CHN2: variants seen among roughly 807,000 people sequenced by gnomAD.
CHN2 encodes the protein chimerin 2.
A neutral mutation model predicts 56.3 loss-of-function variants in CHN2; 35 were observed. That is an observed-to-expected ratio of 0.62 (90% CI 0.47 to 0.82). The LOEUF (loss-of-function observed/expected upper bound fraction) is 0.82. Ranked by LOEUF, CHN2 falls within the 40% of genes least tolerant of loss-of-function variation. The probability of loss-of-function intolerance (pLI) is 0.00; values close to 1 mark genes in which losing one functional copy is unlikely to be tolerated. For synonymous variants in CHN2, 210 were observed against 212.8 expected, an observed-to-expected ratio of 0.99 and a Z score of 0.12; for missense variants, 491 against 580.5, an observed-to-expected ratio of 0.85 and a Z score of 1.58.
At chr7:29,355,535 A>G (rs1312154037) in intron 2 of CHN2, among the ~76,000 whole-genome samples, 2 of 151,806 alleles carry the variant, frequency 1.3e-5, no homozygotes, top group African/African-American at 4.8e-5. Context: ...TCTTAGTACT[A>G]TATGCTTGAC....
intron 2 of CHN2, among the ~76,000 whole-genome samples, chr7:29,188,968 A>ATTTTTTT (rs1799054654): frequency 1.1e-5 from 1 of 93,530 alleles, no homozygotes; most frequent in African/African-American, 4.6e-5. Flanking sequence ...TTTTTTTTTG[A>ATTTTTTT]GACAGAATCT....
intron 1 of CHN2, among the ~76,000 whole-genome samples, chr7:29,265,326 G>C (rs186908448): frequency 6.6e-6 from 1 of 152,248 alleles, no homozygotes; most frequent in Non-Finnish European, 1.5e-5. Flanking sequence ...CATTGGATTT[G>C]CTATCTGATC....
intron 1 of CHN2, among the ~76,000 whole-genome samples, chr7:29,318,580 G>A (rs1376555639): frequency 6.6e-6 from 1 of 152,116 alleles, no homozygotes; most frequent in East Asian, 1.9e-4. Context: ...CTTCTTCACA[G>A]GCTCTTATTG....
chr7:29,486,815 C>G (rs1001327481), intron 7 of CHN2, among the ~76,000 whole-genome samples: 1 of 152,180 alleles, frequency 6.6e-6, no homozygotes, highest in South Asian at 2.1e-4. Flanking sequence ...AATATGTCCC[C>G]ACGCTCCCAC....
At chr7:29,289,869 T>C (rs1271929794) in intron 1 of CHN2, among the ~76,000 whole-genome samples, 3 of 152,218 alleles carry the variant, frequency 2.0e-5, no homozygotes, top group African/African-American at 7.2e-5. Context: ...ACAGCTGTCA[T>C]TCTTAGTTAT....
At position 29,302,212 on chromosome 7, in the gene CHN2, C is replaced by T. The variant is rs144923196; in HGVS notation, c.50-52413C>T. 5.5e-3 allele frequency among the ~76,000 whole-genome samples: 843 copies of T among 152,340 alleles called. 6 individuals are homozygous for T. Among genetic ancestry groups the T allele is most frequent in the African/African-American group, 0.019 (805 of 41,576 alleles). ...CATAACATAAATGTTATCATTTTAG[C>T]TGCCGCCACCGCTGCTGCTGCAGCT... On this transcript the variant is annotated intron_variant, in intron 1 of 12. Transcript: ENST00000222792.
At chr7:29,483,364 A>G (rs564845807) in intron 7 of CHN2, among the ~76,000 whole-genome samples, 34 of 152,302 alleles carry the variant, frequency 2.2e-4, no homozygotes, top group African/African-American at 7.7e-4. Context: ...CTTCTCAAAC[A>G]AAGCTTGTCT....
intron 2 of CHN2, among the ~76,000 whole-genome samples, chr7:29,167,562 A>G (rs988574002): frequency 2.0e-5 from 3 of 152,180 alleles, no homozygotes; most frequent in Non-Finnish European, 4.4e-5. Flanking sequence ...GACTATATGA[A>G]TTTTCAACTT....
At chr7:29,303,563 C>T (rs1486538231) in intron 1 of CHN2, among the ~76,000 whole-genome samples, 6 of 152,136 alleles carry the variant, frequency 3.9e-5, no homozygotes, top group African/African-American at 1.4e-4. Flanking sequence ...AGTTTAGGGC[C>T]CTTCCGTAGG....
At chr7:29,289,301 A>G (rs1792393825) in intron 1 of CHN2, among the ~76,000 whole-genome samples, 1 of 152,176 alleles carries the variant, frequency 6.6e-6, no homozygotes, top group Non-Finnish European at 1.5e-5. Flanking sequence ...AGAGGAGGAA[A>G]TGACAAGGGA....
At chr7:29,366,346 G>T (rs1306224973) in intron 2 of CHN2, among the ~76,000 whole-genome samples, 1 of 152,146 alleles carries the variant, frequency 6.6e-6, no homozygotes, top group Admixed American at 6.6e-5. Context: ...CCTATGGTCA[G>T]TGGACAGGTA....
chr7:29,501,986 TACCTCATAA>T (rs1790018945), intron 9 of CHN2, among the ~76,000 whole-genome samples: 1 of 152,232 alleles, frequency 6.6e-6, no homozygotes, highest in Non-Finnish European at 1.5e-5. Flanking sequence ...GAATCAACTG[TACCTCATAA>T]GGTGGTTGGT....
chr7:29,390,750 G>T (rs1262530270), intron 3 of CHN2, among the ~76,000 whole-genome samples: 1 of 152,162 alleles, frequency 6.6e-6, no homozygotes, highest in Admixed American at 6.5e-5. Flanking sequence ...CCAACACGGA[G>T]CCTTGCCCAG....
chr7:29,223,624 G>A (rs866613293), intron 1 of CHN2, among the ~76,000 whole-genome samples: 1 of 151,912 alleles, frequency 6.6e-6, no homozygotes, highest in African/African-American at 2.4e-5. Context: ...ATTGCTGTAG[G>A]GGATTCCAAT....
intron 9 of CHN2, among the ~76,000 whole-genome samples, chr7:29,500,708 G>C (rs1789870983): frequency 6.6e-6 from 1 of 152,104 alleles, no homozygotes; most frequent in Non-Finnish European, 1.5e-5. Context: ...TGAAAAAAAA[G>C]GTGCTTCTGT....
At chr7:29,199,783 C>A (rs1784011480) in intron 1 of CHN2, 1 of 152,178 alleles carries the variant, frequency 6.6e-6, no homozygotes, top group Admixed American at 6.5e-5. Context: ...ACAAGGGGGA[C>A]CCAGTGATTT....
intron 2 of CHN2, among the ~76,000 whole-genome samples, chr7:29,361,225 A>G (rs1408258442): frequency 6.6e-6 from 1 of 152,254 alleles, no homozygotes; most frequent in East Asian, 1.9e-4. Context: ...AGATTATGCG[A>G]TAAATTTCTG....
chr7:29,262,716 T>C (rs1433318027), intron 1 of CHN2, among the ~76,000 whole-genome samples: 1 of 152,180 alleles, frequency 6.6e-6, no homozygotes, highest in Non-Finnish European at 1.5e-5. Flanking sequence ...ATGGTGGTGA[T>C]GGTTTTACAA....
chr7:29,257,748 C>T (rs1302031278), intron 1 of CHN2, among the ~76,000 whole-genome samples: 1 of 152,176 alleles, frequency 6.6e-6, no homozygotes, highest in Non-Finnish European at 1.5e-5. Flanking sequence ...AGCCTCTCTT[C>T]TTTTATCCAT....
Sources: allele counts gnomAD v4.1 joint callset (sites outside exome capture counted in the v4.1 genomes callset), GRCh38; gene constraint gnomAD v4.1.1; transcripts MANE v1.5; gene names NCBI Gene and HGNC (gene_info 2026-07-23, HGNC 2026-07-21).